The following PDZD8 variants were observed in gnomAD, a reference collection of about 807,000 sequenced individuals.
PDZD8 encodes the protein PDZ domain-containing protein 8.
In PDZD8, 14 loss-of-function variants were observed where a neutral mutation model predicts 85.8. The ratio of observed to expected loss-of-function variants is 0.16; its 90% CI spans 0.11 to 0.26. PDZD8 has a LOEUF of 0.26. Ranked by LOEUF, PDZD8 falls within the 10% of genes least tolerant of loss-of-function variation. PDZD8 has a pLI of 1.00. For missense variants in PDZD8, 1,197 were observed against 1,424.3 expected (o/e 0.84, Z 2.57); for synonymous variants, 592 against 568.6 (o/e 1.04, Z -0.59).
At chr10:117,355,944 T>C (rs1429493652) in intron 1 of PDZD8, among the ~76,000 whole-genome samples, 4 of 152,148 alleles carry the variant, frequency 2.6e-5, no homozygotes, top group Non-Finnish European at 5.9e-5. Flanking sequence ...TTAAGGTATA[T>C]CATGTTAATA....
chr10:117,339,128 C>CAA (rs71013660), intron 2 of PDZD8, among the ~76,000 whole-genome samples: 354 of 129,208 alleles, frequency 2.7e-3, no homozygotes, highest in African/African-American at 3.4e-3. Flanking sequence ...TGGACTTAAC[C>CAA]AAAAAAAAAA....
Position 117,282,955 on chromosome 10 carries a change from G to T in PDZD8, c.*313C>A. 4.0e-6 allele frequency: 1 copy of T among 248,138 alleles called. No individual in the cohort carries two copies. The highest frequency in any genetic ancestry group is 7.6e-6 in the Non-Finnish European group (1 of 131,464). The allele number at this position is 248,138 out of a possible 1,614,324, so 15.4% of individuals were successfully genotyped here. On this transcript the variant is annotated 3_prime_UTR_variant, in exon 5 of 5. Transcript: ENST00000334464. ...CCAAGAGGAAGAAAAATAACACAAGGGGACACCATACATACATAAACATGA... is the reference window on the plus strand; with the variant it reads ...CCAAGAGGAAGAAAAATAACACAAGTGGACACCATACATACATAAACATGA...
chr10:117,360,079 G>A (rs1844970290), intron 1 of PDZD8, among the ~76,000 whole-genome samples: 1 of 152,124 alleles, frequency 6.6e-6, no homozygotes, highest in Non-Finnish European at 1.5e-5. Flanking sequence ...TGCATAGAAT[G>A]ATCAAGGTCC....
intron 1 of PDZD8, among the ~76,000 whole-genome samples, chr10:117,351,488 A>G (rs1336328190): frequency 6.6e-6 from 1 of 152,172 alleles, no homozygotes; most frequent in Non-Finnish European, 1.5e-5. Context: ...GATAGTAGTT[A>G]CTTTAAGGCA....
intron 3 of PDZD8, among the ~76,000 whole-genome samples, chr10:117,312,648 T>C (rs1844058214): frequency 1.3e-5 from 2 of 152,246 alleles, no homozygotes; most frequent in African/African-American, 4.8e-5. Flanking sequence ...TCTTCATTGC[T>C]CTACAGATTT....
At chr10:117,341,202 A>C in intron 1 of PDZD8, 100 bp from the exon 2 acceptor site, 1 of 1,235,672 alleles carries the variant, frequency 8.1e-7, no homozygotes, top group Admixed American at 2.1e-5. Context: ...CAAAATGAAC[A>C]CCTAATACTA....
rs374884962 is a variant in PDZD8 at position 117,288,016 on chromosome 10, C to T, written c.1261+2170G>A. Among the ~76,000 whole-genome samples, 12 of 152,280 alleles carry T rather than the reference C, an allele frequency of 7.9e-5. No individual in the cohort carries two copies. In the South Asian group the frequency reaches 1.2e-3, roughly 16 times the overall value. On this transcript the variant is annotated intron_variant, in intron 4 of 4. Coordinates refer to ENST00000334464, the MANE Select transcript of PDZD8 (RefSeq NM_173791.5). ...TTTTTTATGACTAAAAATCTGCCCT[C>T]GTCTCATCTATTCCTCAGTCATCAG...
In PDZD8 at chr10:117,374,784, C is replaced by CACGGG. The variant is rs1410083117; in HGVS notation, c.443_444insCCCGT (p.Phe149ProfsTer104). The CACGGG allele has an allele frequency of 6.2e-7, 1 of 1,613,068 alleles. No homozygotes were observed. The highest frequency in any genetic ancestry group is 8.5e-7 in the Non-Finnish European group (1 of 1,179,882). On this transcript the variant is annotated frameshift_variant, in exon 1 of 5. Transcript: ENST00000334464. LOFTEE classifies it high-confidence loss of function. This position sits in a 1 kb window ranked among gnomAD's most constrained non-coding sequence, Gnocchi z 7.8. ...TGAAGGGCACCGTCTCGCCCAGGAA[C>CACGGG]ACGTCCCGCAGGCTCAGCCCCTCCA...
At chr10:117,342,857 T>C (rs996444249) in intron 1 of PDZD8, among the ~76,000 whole-genome samples, 3 of 152,234 alleles carry the variant, frequency 2.0e-5, no homozygotes, top group African/African-American at 7.2e-5. Flanking sequence ...TCACCTCATA[T>C]GCCCAGAAGA....
chr10:117,374,120 T>C lies in PDZD8; in HGVS notation c.872+236A>G, dbSNP rs996838082. On this transcript the variant is annotated intron_variant, in intron 1 of 4. Transcript: ENST00000334464. The surrounding 1 kb of genome is among the most constrained non-coding windows in gnomAD (Gnocchi z 7.8). ...TAAAAGGAGACGATTCTGCCCGCGT[T>C]GACAGCACCCTGAGTCCCCATGAAC... Among the ~76,000 whole-genome samples the C allele has an allele frequency of 6.6e-6, 1 of 152,190 alleles. No individual in the cohort carries two copies. Among genetic ancestry groups the C allele is most frequent in the Non-Finnish European group, 1.5e-5 (1 of 68,034 alleles).
At chr10:117,353,553 G>T (rs910346977) in intron 1 of PDZD8, among the ~76,000 whole-genome samples, 5 of 152,054 alleles carry the variant, frequency 3.3e-5, no homozygotes, top group Admixed American at 6.6e-5. Context: ...CTAATTTGGG[G>T]ATATAAAAAA....
Position 117,279,797 on chromosome 10 carries a change from T to C in PDZD8, c.*3471A>G, listed in dbSNP as rs1349505389. On this transcript the variant is annotated 3_prime_UTR_variant, in exon 5 of 5. Coordinates refer to ENST00000334464, the MANE Select transcript of PDZD8 (RefSeq NM_173791.5). ...CCGTTGAAATCTGATACATTTTGAA[T>C]GGTGTGCCCATGGGTATCTTCCTGC... is the stretch of plus-strand genomic sequence containing the variant. The C allele has an allele frequency of 3.9e-5, 6 of 152,224 alleles. No individual in the cohort carries two copies. Among genetic ancestry groups the C allele is most frequent in the Non-Finnish European group, 5.9e-5 (4 of 68,026 alleles). The allele number at this position is 152,224 out of a possible 1,614,324, so 9.4% of individuals were successfully genotyped here. A position where few individuals can be genotyped will look rare whatever the true frequency, so the allele number is the denominator to read the frequency against.
rs746974382 is a variant in PDZD8 at position 117,374,309 on chromosome 10, GGCCCGGGTTCCC to G, written c.872+35_872+46del. On this transcript the variant is annotated intron_variant, in intron 1 of 4. Transcript: ENST00000334464. The surrounding 1 kb of genome is among the most constrained non-coding windows in gnomAD (Gnocchi z 7.8). The stretch of plus-strand genomic sequence containing the variant: ...CCCAATCCACGCAGCGTCCCGCCCA[GGCCCGGGTTCCC>G]GGCAGCCAGGCCCCCTCCCCGACCT... The G allele has an allele frequency of 8.1e-6, 13 of 1,597,488 alleles. No individual in the cohort carries two copies. The African/African-American group carries it at 1.1e-4, about 13-fold the overall frequency.
chr10:117,330,717 C>A (rs1844407292), intron 2 of PDZD8, among the ~76,000 whole-genome samples: 1 of 152,188 alleles, frequency 6.6e-6, no homozygotes, highest in African/African-American at 2.4e-5. Flanking sequence ...ACTTCAATCT[C>A]TATATATACA....
At chr10:117,333,666 T>C (rs1030270118) in intron 2 of PDZD8, among the ~76,000 whole-genome samples, 1 of 152,190 alleles carries the variant, frequency 6.6e-6, no homozygotes, top group African/African-American at 2.4e-5. Flanking sequence ...GCTCCTCTTG[T>C]AAATGAATTT....
At chr10:117,368,613 A>G (rs987402623) in intron 1 of PDZD8, among the ~76,000 whole-genome samples, 6 of 152,204 alleles carry the variant, frequency 3.9e-5, no homozygotes, top group Admixed American at 3.9e-4. Flanking sequence ...CACTCAATTC[A>G]TTAAATTCAA....
chr10:117,342,389 C>G (rs1204690697), intron 1 of PDZD8, among the ~76,000 whole-genome samples: 1 of 106,978 alleles, frequency 9.3e-6, no homozygotes, highest in African/African-American at 3.7e-5. Context: ...ACCACACAAA[C>G]AGATACACAC....
chr10:117,308,515 G>A (rs1006106852), intron 3 of PDZD8, among the ~76,000 whole-genome samples: 1 of 151,948 alleles, frequency 6.6e-6, no homozygotes, highest in Non-Finnish European at 1.5e-5. Flanking sequence ...TTATGCTAAG[G>A]GTTTTACATA....
intron 1 of PDZD8, among the ~76,000 whole-genome samples, chr10:117,373,423 C>G (rs1426137847): frequency 2.0e-5 from 3 of 151,950 alleles, no homozygotes; most frequent in Non-Finnish European, 4.4e-5. Context: ...ATGTAAAGTA[C>G]ACTATGTACA....
Sources: gnomAD v4.1 joint callset for allele counts (sites outside exome capture counted in the v4.1 genomes callset) on GRCh38, gnomAD v4.1.1 for gene constraint, Gnocchi (gnomAD v3.1) non-coding constraint, MANE v1.5 for transcripts, NCBI Gene and HGNC (gene_info 2026-07-23, HGNC 2026-07-21) for gene names.